The following SMARCD3 variants were observed in gnomAD, a reference collection of about 807,000 sequenced individuals.
SMARCD3 encodes SWI/SNF related BAF chromatin remodeling complex subunit D3, also known as SWI/SNF-related matrix-associated actin-dependent regulator of chromatin subfamily D member 3.
A neutral mutation model predicts 58.0 loss-of-function variants in SMARCD3; 14 were observed. That is an observed-to-expected ratio of 0.24 (90% CI 0.16 to 0.38). SMARCD3 has a LOEUF of 0.38. Among genes scored for constraint, SMARCD3 ranks in the 10% least tolerant of loss-of-function variants. The pLI, the probability that SMARCD3 is intolerant of heterozygous loss-of-function variation, is 1.00. For missense variants in SMARCD3, 408 were observed against 636.9 expected (o/e 0.64, Z 3.87); for synonymous variants, 253 against 253.8 (o/e 1.00, Z 0.03).
chr7:151,248,465 G>A lies in SMARCD3; in HGVS notation c.78+20C>T, dbSNP rs1186947508. 2 of 1,586,916 alleles carry A rather than the reference G, an allele frequency of 1.3e-6. No homozygotes were observed. Among genetic ancestry groups the A allele is most frequent in the Non-Finnish European group, 1.7e-6 (2 of 1,159,464 alleles). Reference sequence around the variant, plus strand: ...CGAGCCAGCTCGCTTGCCCTCCCCCGCTAACTTTCCCCCACTCACCACCCC... The same window carrying A: ...CGAGCCAGCTCGCTTGCCCTCCCCCACTAACTTTCCCCCACTCACCACCCC... On this transcript the variant is annotated intron_variant, in intron 1 of 12. Coordinates refer to ENST00000262188, the MANE Select transcript of SMARCD3 (RefSeq NM_001003801.2). The surrounding 1 kb of genome is among the most constrained non-coding windows in gnomAD (Gnocchi z 6.1).
intron 2 of SMARCD3, among the ~76,000 whole-genome samples, chr7:151,269,763 C>G (rs1795107854): frequency 6.6e-6 from 1 of 152,172 alleles, no homozygotes; most frequent in African/African-American, 2.4e-5. Flanking sequence ...TGAACACTTG[C>G]AGTGGCGAGG....
intron 2 of SMARCD3, among the ~76,000 whole-genome samples, chr7:151,268,138 G>A (rs1795054590): frequency 6.6e-6 from 1 of 152,210 alleles, no homozygotes; most frequent in African/African-American, 2.4e-5. Context: ...CAAGGTGAGT[G>A]TTACGAACTG....
chr7:151,266,229 C>G (rs760642853), intron 2 of SMARCD3, among the ~76,000 whole-genome samples: 54 of 152,216 alleles, frequency 3.5e-4, no homozygotes, highest in South Asian at 2.9e-3. Flanking sequence ...CTCAGCCTCC[C>G]AAAGTGCTGG....
rs1363426145 is a variant in SMARCD3, at chr7:151,242,445, C to T, written c.579+36G>A. 2 of 1,606,782 alleles carry T rather than the reference C, an allele frequency of 1.2e-6. No homozygotes were observed. Among genetic ancestry groups the T allele is most frequent in the African/African-American group, 1.3e-5 (1 of 74,810 alleles). On this transcript the variant is annotated intron_variant, in intron 5 of 12. Transcript: ENST00000262188. The surrounding 1 kb of genome is among the most constrained non-coding windows in gnomAD (Gnocchi z 4.7). Reference sequence around the variant, plus strand: ...TGTTCTCAGTGCAGCCCATGCCCACCCCAGGACACCTGGAGAGACCTGGGC... The same window carrying T: ...TGTTCTCAGTGCAGCCCATGCCCACTCCAGGACACCTGGAGAGACCTGGGC...
At position 151,246,452 on chromosome 7, in the gene SMARCD3, C is replaced by T. The variant is rs777783656; in HGVS notation, c.79-781G>A. ...GGCAGGCAAGGGCAGCCTGCTGGGG[C>T]GCCCCAGACACAGCCAGGATTCTCT... On this transcript the variant is annotated intron_variant, in intron 1 of 12. Transcript: ENST00000262188. This position sits in a 1 kb window ranked among gnomAD's most constrained non-coding sequence, Gnocchi z 4.4. Among the ~76,000 whole-genome samples, 5 of 152,178 alleles carry T rather than the reference C, an allele frequency of 3.3e-5. No individual in the cohort carries two copies. Among genetic ancestry groups the T allele is most frequent in the Admixed American group, 6.5e-5 (1 of 15,288 alleles).
chr7:151,245,490 G>A lies in SMARCD3; in HGVS notation c.260C>T (p.Pro87Leu), dbSNP rs1350721604. ...GCTCCGCGCGGGGGCGGTGGGCACC[G>A]GCTGGCCCTGGCTCTGTGCCTGGCT... ...GQSQAQSQGQ[P>L]VPTAPARSRS... Residue 87 changes from proline to leucine, a missense_variant, in exon 2 of 13, where the codon CCG (proline) becomes CTG (leucine). Pro to Leu is a moderately conservative substitution (Grantham distance 98). Transcript: ENST00000262188. The surrounding 1 kb of genome is among the most constrained non-coding windows in gnomAD (Gnocchi z 6.2). 2 of 1,225,080 alleles carry A rather than the reference G, an allele frequency of 1.6e-6. No homozygotes were observed. Among genetic ancestry groups the A allele is most frequent in the East Asian group, 6.4e-5 (2 of 31,308 alleles). The allele number at this position is 1,225,080 out of a possible 1,614,324, so 75.9% of individuals were successfully genotyped here.
rs145979705 is a variant in SMARCD3 at position 151,273,427 on chromosome 7, G to A, written c.39+1687C>T. Among the ~76,000 whole-genome samples, 410 of 152,332 alleles carry A rather than the reference G, an allele frequency of 2.7e-3. 2 individuals are homozygous for A. Among genetic ancestry groups the A allele is most frequent in the South Asian group, 0.011 (54 of 4,824 alleles). On this transcript the variant is annotated intron_variant, in intron 2 of 13. Transcript: ENST00000356800. ...GTCAAATATTAGGAGGACTCTCCAC[G>A]TGGGGGACCACTTCAGGTGCACCCC...
At chr7:151,259,392 G>A (rs1255887309) in intron 2 of SMARCD3, among the ~76,000 whole-genome samples, 2 of 85,362 alleles carry the variant, frequency 2.3e-5, no homozygotes, top group Non-Finnish European at 4.9e-5. Context: ...AAAGGTAGGG[G>A]CTGTGTGTGT....
At chr7:151,259,617 T>TTTTTTTTTTG (rs1803849551) in intron 2 of SMARCD3, among the ~76,000 whole-genome samples, 1 of 120,680 alleles carries the variant, frequency 8.3e-6, no homozygotes, top group Non-Finnish European at 1.8e-5. Context: ...TTTTTTTTTT[T>TTTTTTTTTTG]TTTTTTTTTG....
chr7:151,241,806 A>G lies in SMARCD3; in HGVS notation c.777+71T>C. ...AGGGGAAGGAGGTCTCTCAAGATGC[A>G]CCACTTTGGGACCTAGCCCTGCCCT... On this transcript the variant is annotated intron_variant, in intron 7 of 12. Coordinates refer to ENST00000262188, the MANE Select transcript of SMARCD3 (RefSeq NM_001003801.2). The surrounding 1 kb of genome is among the most constrained non-coding windows in gnomAD (Gnocchi z 5.3). The G allele has an allele frequency of 6.9e-7, 1 of 1,450,376 alleles. No individual in the cohort carries two copies. The highest frequency in any genetic ancestry group is 9.5e-7 in the Non-Finnish European group (1 of 1,048,072). The allele number at this position is 1,450,376 out of a possible 1,614,324, so 89.8% of individuals were successfully genotyped here. A position where few individuals can be genotyped will look rare whatever the true frequency, so the allele number is the denominator to read the frequency against.
Position 151,248,002 on chromosome 7 carries a change from T to G in SMARCD3, c.78+483A>C, listed in dbSNP as rs373962207. 3.9e-5 allele frequency among the ~76,000 whole-genome samples: 6 copies of G among 152,064 alleles called. No individual in the cohort carries two copies. The highest frequency in any genetic ancestry group is 1.4e-4 in the African/African-American group (6 of 41,392). ...GCTGGGATGCAGAGGTGGCTCAGCC[T>G]GCGAGCTTCCCGCTACAGTGCCTCC... On this transcript the variant is annotated intron_variant, in intron 1 of 12. Transcript: ENST00000262188. This position sits in a 1 kb window ranked among gnomAD's most constrained non-coding sequence, Gnocchi z 6.1.
At position 151,243,622 on chromosome 7, in the gene SMARCD3, G is replaced by C. The variant is rs536736645; in HGVS notation, c.333+37C>G. 3.9e-5 allele frequency: 45 copies of C among 1,164,902 alleles called. No homozygotes were observed. Among genetic ancestry groups the C allele is most frequent in the Middle Eastern group, 2.4e-4 (1 of 4,230 alleles). The allele number at this position is 1,164,902 out of a possible 1,614,324, so 72.2% of individuals were successfully genotyped here. On this transcript the variant is annotated intron_variant, in intron 3 of 12. Coordinates refer to ENST00000262188, the MANE Select transcript of SMARCD3 (RefSeq NM_001003801.2). The surrounding 1 kb of genome is among the most constrained non-coding windows in gnomAD (Gnocchi z 4.4). ...AGGGGAGGGCGGAGCAGCAAAGGGT[G>C]GGGGGTGGGCTGGGGGCTGCTGTGA...
At chr7:151,253,585 C>T (rs962067022), upstream of SMARCD3, among the ~76,000 whole-genome samples, 1 of 72 alleles carries the variant, frequency 0.014, no homozygotes, top group Admixed American at 0.17. Flanking sequence ...GGCAGGAGAG[C>T]GGGGCTGGGC....
intron 2 of SMARCD3, among the ~76,000 whole-genome samples, chr7:151,273,175 G>C (rs1311435413): frequency 6.6e-6 from 1 of 152,246 alleles, no homozygotes; most frequent in Non-Finnish European, 1.5e-5. Context: ...CCACCACCTT[G>C]TCACTCTTGG....
At position 151,239,764 on chromosome 7, in the gene SMARCD3, G is replaced by A; in HGVS notation, c.1174-18C>T. 3.7e-6 allele frequency: 6 copies of A among 1,612,864 alleles called. No homozygotes were observed. Among genetic ancestry groups the A allele is most frequent in the Non-Finnish European group, 4.2e-6 (5 of 1,179,358 alleles). On this transcript the variant is annotated intron_variant, in intron 10 of 12. Transcript: ENST00000262188. This position sits in a 1 kb window ranked among gnomAD's most constrained non-coding sequence, Gnocchi z 7.0. Reference sequence around the variant, plus strand: ...TCATGGATCTGCAGGTAGAAAGATAGATGCTTTCCACCTGGCTTTGGTGAT... The same window carrying A: ...TCATGGATCTGCAGGTAGAAAGATAAATGCTTTCCACCTGGCTTTGGTGAT...
Position 151,265,735 on chromosome 7 carries a change from G to A in SMARCD3, c.39+9379C>T, listed in dbSNP as rs558243035. ...AGGAGGATAAAAGTGCCAAGTCACC[G>A]TTAACCTCTCTGATCTCGGTCTCCT... On this transcript the variant is annotated intron_variant, in intron 2 of 13. Transcript: ENST00000356800. Among the ~76,000 whole-genome samples the A allele has an allele frequency of 3.4e-3, 517 of 152,308 alleles. 3 individuals carry two copies. The highest frequency in any genetic ancestry group is 0.012 in the African/African-American group (479 of 41,558).
At position 151,239,084 on chromosome 7, in the gene SMARCD3, G is replaced by T; in HGVS notation, c.*19C>A. 2 of 1,613,446 alleles carry T rather than the reference G, an allele frequency of 1.2e-6. No homozygotes were observed. Among genetic ancestry groups the T allele is most frequent in the Non-Finnish European group, 1.7e-6 (2 of 1,179,398 alleles). The stretch of plus-strand genomic sequence containing the variant: ...GGGACACGGCTGAAAGTTCCGTCGT[G>T]CTGCTTATTTTTGGGCTCCTAGGTG... On this transcript the variant is annotated 3_prime_UTR_variant, in exon 13 of 13. Transcript: ENST00000262188. This position sits in a 1 kb window ranked among gnomAD's most constrained non-coding sequence, Gnocchi z 7.0.
chr7:151,275,077 C>G, intron 2 of SMARCD3: 1 of 1,595,120 alleles, frequency 6.3e-7, no homozygotes, highest in Non-Finnish European at 8.6e-7. Flanking sequence ...GGCCCCAGAG[C>G]TTCTGCTCCT....
At chr7:151,262,092 C>CT (rs367849693) in intron 2 of SMARCD3, among the ~76,000 whole-genome samples, 2,771 of 96,170 alleles carry the variant, frequency 0.029, 66 homozygotes, top group African/African-American at 0.08. Context: ...GCACTTCAAC[C>CT]TTTTTTTTTT....
Sources: allele counts gnomAD v4.1 joint callset (sites outside exome capture counted in the v4.1 genomes callset), GRCh38; gene constraint gnomAD v4.1.1; non-coding constraint Gnocchi (gnomAD v3.1); transcripts MANE v1.5; gene names NCBI Gene and HGNC (gene_info 2026-07-23, HGNC 2026-07-21).